Variants in SYNE2 observed in about 807,000 individuals in gnomAD.
The protein encoded by SYNE2 is spectrin repeat containing nuclear envelope protein 2.
A neutral mutation model predicts 856.3 loss-of-function variants in SYNE2; 431 were observed. The observed-to-expected ratio is 0.50, with a 90% CI of 0.47 to 0.55. The LOEUF (loss-of-function observed/expected upper bound fraction) is 0.55, where lower values mean the gene tolerates loss of function less well. SYNE2 is among the 20% of genes least tolerant of loss of function. The pLI, the probability that SYNE2 is intolerant of heterozygous loss-of-function variation, is 0.00. For synonymous variants in SYNE2, 2,923 were observed against 2,872.3 expected (o/e 1.02, Z -0.56); for missense variants, 8,129 against 8,023.2 (o/e 1.01, Z -0.50).
chr14:64,117,861 G>A (rs2097863598), intron 66 of SYNE2, among the ~76,000 whole-genome samples: 1 of 152,158 alleles, frequency 6.6e-6, no homozygotes, highest in South Asian at 2.1e-4. Flanking sequence ...TGGACAAAGG[G>A]ATGATTCACA....
At chr14:64,134,974 G>A (rs867328472) in intron 78 of SYNE2, among the ~76,000 whole-genome samples, 4 of 151,882 alleles carry the variant, frequency 2.6e-5, no homozygotes, top group African/African-American at 4.8e-5. Flanking sequence ...GTGACAGAGC[G>A]AGACTCCATC....
chr14:63,951,841 A>C (rs1472449199), intron 7 of SYNE2, among the ~76,000 whole-genome samples: 1 of 152,184 alleles, frequency 6.6e-6, no homozygotes, highest in Non-Finnish European at 1.5e-5. Context: ...AGTCCTTTCA[A>C]AGCCCCATAT....
intron 48 of SYNE2, 67 bp downstream of exon 48, chr14:64,053,724 T>C: frequency 6.5e-7 from 1 of 1,528,878 alleles, no homozygotes. Flanking sequence ...CCCAGCATTT[T>C]GGGAGGCCAA....
Position 64,165,346 on chromosome 14 carries a change from T to C in SYNE2, c.16541T>C (p.Met5514Thr), listed in dbSNP as rs1292417814. The change falls in exon 90 of 116, where the codon ATG becomes ACG. Residue 5514 changes from methionine (M) to threonine (T), a missense_variant. This residue lies in a region of SYNE2 where 5,410 missense variants were observed against 5,284.8 expected (regional missense o/e 1.02). Coordinates refer to ENST00000555002, the MANE Select transcript of SYNE2 (RefSeq NM_182914.3). ...CTGGAATCTTTAAAAGGTCTTATTA[T>C]GCATGAAGAAGAGAATTTGGATAGA... ...VRLESLKGLIMHEEENLDRLH... is the reference protein window; with the variant it reads ...VRLESLKGLITHEEENLDRLH... The C allele has an allele frequency of 1.2e-6, 2 of 1,613,546 alleles. No homozygotes were observed. The highest frequency in any genetic ancestry group is 1.7e-6 in the Non-Finnish European group (2 of 1,179,622).
chr14:63,921,807 C>T (rs560018455), intron 2 of SYNE2, among the ~76,000 whole-genome samples: 39 of 152,252 alleles, frequency 2.6e-4, no homozygotes, highest in African/African-American at 8.2e-4. Context: ...GTAGACAACT[C>T]TTTCAAGAAG....
chr14:63,841,983 C>T (rs1890081740), intron 1 of SYNE2, among the ~76,000 whole-genome samples: 1 of 151,558 alleles, frequency 6.6e-6, no homozygotes, highest in South Asian at 2.1e-4. Context: ...CAGGCACCCA[C>T]CACCATGCCC....
intron 1 of SYNE2, among the ~76,000 whole-genome samples, chr14:63,874,955 A>G (rs915902330): frequency 3.3e-5 from 5 of 152,214 alleles, no homozygotes; most frequent in Non-Finnish European, 7.4e-5. Context: ...TGTTATCACT[A>G]GGAGACAAGC....
At chr14:63,984,193 G>C (rs971642844) in intron 18 of SYNE2, among the ~76,000 whole-genome samples, 1 of 152,104 alleles carries the variant, frequency 6.6e-6, no homozygotes, top group Non-Finnish European at 1.5e-5. Context: ...AAAGTGAGGC[G>C]AGATCGTGCC....
rs749522550 is a variant in SYNE2 at position 64,049,746 on chromosome 14, C to T, written c.7513C>T (p.Leu2505Phe). The T allele has an allele frequency of 1.2e-6, 2 of 1,614,126 alleles. No individual in the cohort carries two copies. The highest frequency in any genetic ancestry group is 1.3e-5 in the African/African-American group (1 of 75,038). The change falls in exon 47 of 116, where the codon CTT (leucine) becomes TTT (phenylalanine). Residue 2505 changes from leucine to phenylalanine, a missense_variant. By Grantham distance (22) the Leu-to-Phe change is conservative. Around this residue, in one of 3 missense-constraint regions of SYNE2, gnomAD observed 5,410 missense variants for 5,284.8 expected, o/e 1.02. Transcript: ENST00000555002. ...GYSAQHLDNLLQALITLKKNK... is the reference protein window; with the variant it reads ...GYSAQHLDNLFQALITLKKNK... ...TTCGGCACAGCATTTGGACAATTTG[C>T]TTCAGGCACTTATTACTTTGAAGAA... is the stretch of plus-strand genomic sequence containing the variant.
intron 7 of SYNE2, among the ~76,000 whole-genome samples, chr14:63,953,577 TA>T (rs2096199675): frequency 6.7e-6 from 1 of 149,084 alleles, no homozygotes; most frequent in South Asian, 2.1e-4. Flanking sequence ...TAGATGTAGA[TA>T]TTATTGTGAT....
upstream of SYNE2, among the ~76,000 whole-genome samples, chr14:63,850,381 C>A (rs1049368901): frequency 6.6e-6 from 1 of 151,786 alleles, no homozygotes; most frequent in African/African-American, 2.4e-5. Context: ...AGTCACTGCA[C>A]CTGGCCGACA....
chr14:64,024,021 T>C, intron 38 of SYNE2: 1 of 466,910 alleles, frequency 2.1e-6, no homozygotes, highest in South Asian at 2.0e-5. Flanking sequence ...CTGGTCTTGC[T>C]CCTGCTGATC....
At chr14:63,889,951 A>G (rs1350655091) in intron 1 of SYNE2, among the ~76,000 whole-genome samples, 1 of 152,130 alleles carries the variant, frequency 6.6e-6, no homozygotes, top group African/African-American at 2.4e-5. Flanking sequence ...TGAGGGGGAA[A>G]TTCATTCAAA....
chr14:63,770,773 G>A (rs894935932), intron 1 of SYNE2, among the ~76,000 whole-genome samples: 2 of 152,080 alleles, frequency 1.3e-5, no homozygotes, highest in Non-Finnish European at 2.9e-5. Context: ...CTGGGTGACA[G>A]AGCAAGATCC....
intron 8 of SYNE2, among the ~76,000 whole-genome samples, chr14:63,958,168 G>A (rs758548493): frequency 6.6e-6 from 1 of 152,132 alleles, no homozygotes; most frequent in Non-Finnish European, 1.5e-5. Flanking sequence ...TCTTACATTA[G>A]TATAGTACAT....
chr14:64,132,154 C>A (rs1225227990), intron 76 of SYNE2, 111 bp from the exon 77 acceptor site: 2 of 1,310,640 alleles, frequency 1.5e-6, no homozygotes, highest in Non-Finnish European at 2.1e-6. Flanking sequence ...CACGGATGTC[C>A]TGGGATTTTG....
At chr14:64,074,246 GGAGA>G in intron 53 of SYNE2, 110 bp downstream of exon 53, 3 of 1,101,926 alleles carry the variant, frequency 2.7e-6, no homozygotes, top group East Asian at 2.4e-5. Flanking sequence ...AGCGGTCTGG[GGAGA>G]GAGAGAGAGG....
chr14:63,935,456 A>G (rs1213111146), intron 2 of SYNE2, among the ~76,000 whole-genome samples: 1 of 152,230 alleles, frequency 6.6e-6, no homozygotes, highest in African/African-American at 2.4e-5. Flanking sequence ...AGGCCTTTTA[A>G]TTCTTCAACC....
chr14:64,188,036 A>G (rs115458567), intron 97 of SYNE2, among the ~76,000 whole-genome samples: 1,533 of 152,272 alleles, frequency 0.01, 37 homozygotes, highest in African/African-American at 0.036. Context: ...TGAGTGATGT[A>G]CATTGTTTTT....
Sources: allele counts gnomAD v4.1 joint callset (sites outside exome capture counted in the v4.1 genomes callset), GRCh38; gene constraint gnomAD v4.1.1; regional missense constraint gnomAD v4.1.1; transcripts MANE v1.5; gene names NCBI Gene and HGNC (gene_info 2026-07-23, HGNC 2026-07-21).